The following SHANK2 variants were observed in gnomAD, a reference collection of about 807,000 sequenced individuals.
The protein encoded by SHANK2 is SH3 and multiple ankyrin repeat domains protein 2.
SHANK2 carries 43 observed loss-of-function variants against 133.7 expected under a neutral mutation model. The ratio of observed to expected loss-of-function variants is 0.32; its 90% CI spans 0.25 to 0.41. The LOEUF is 0.41. Among genes scored for constraint, SHANK2 ranks in the 10% least tolerant of loss-of-function variants. The pLI is 1.00. For missense variants in SHANK2, 1,994 were observed against 2,235.8 expected (o/e 0.89, Z 2.18); for synonymous variants, 1,017 against 952.8 (o/e 1.07, Z -1.24).
intron 2 of SHANK2, among the ~76,000 whole-genome samples, chr11:71,213,035 A>G (rs1050037221): frequency 1.2e-4 from 18 of 151,382 alleles, no homozygotes; most frequent in Non-Finnish European, 1.8e-4. Flanking sequence ...GAGGCAAAGG[A>G]AGAGGAGCAG....
intron 11 of SHANK2, among the ~76,000 whole-genome samples, chr11:70,891,843 T>C (rs186392772): frequency 5.9e-5 from 9 of 152,216 alleles, no homozygotes; most frequent in South Asian, 2.1e-4. Flanking sequence ...CCAGTGACAA[T>C]TGAAAATTTC....
At chr11:71,229,775 A>G (rs1270695681) in intron 1 of SHANK2, among the ~76,000 whole-genome samples, 76 of 151,746 alleles carry the variant, frequency 5.0e-4, no homozygotes, top group African/African-American at 1.6e-3. Flanking sequence ...GAAAAAAAAA[A>G]AAAAAAAGAA....
intron 14 of SHANK2, among the ~76,000 whole-genome samples, chr11:70,748,695 G>A (rs1044282358): frequency 6.6e-6 from 1 of 152,140 alleles, no homozygotes; most frequent in African/African-American, 2.4e-5. Flanking sequence ...AACTGTTAAG[G>A]TGCAGACAAA....
At position 70,820,516 on chromosome 11, in the gene SHANK2, G is replaced by T. The variant is rs202196892; in HGVS notation, c.1341C>A (p.Pro447=). The change falls in exon 12 of 26, where the codon CCC becomes CCA. Residue 447 remains proline, a synonymous_variant. Coordinates refer to ENST00000601538, the MANE Select transcript of SHANK2 (RefSeq NM_012309.5). ...STATSHRSLS[P]QLLQQMPSKP... The stretch of plus-strand genomic sequence containing the variant: ...TGCTGGGCATCTGCTGCAGCAGCTG[G>T]GGTGACAGGCTGCGGTGCGAGGTGG... 2.8e-6 allele frequency: 2 copies of T among 717,008 alleles called. No homozygotes were observed. Among genetic ancestry groups the T allele is most frequent in the Admixed American group, 2.0e-5 (1 of 49,990 alleles). 44.4% of individuals were successfully genotyped at this position (717,008 alleles called of 1,614,324 possible).
intron 17 of SHANK2, among the ~76,000 whole-genome samples, chr11:70,625,208 G>A (rs1194998879): frequency 1.3e-5 from 2 of 152,180 alleles, no homozygotes; most frequent in Non-Finnish European, 2.9e-5. Context: ...TGGGAAAGTG[G>A]GGATAAGTCC....
chr11:70,806,061 G>A (rs965864918), intron 13 of SHANK2, among the ~76,000 whole-genome samples: 1 of 152,226 alleles, frequency 6.6e-6, no homozygotes, highest in Non-Finnish European at 1.5e-5. Context: ...GCAGAGAAAG[G>A]AACTGAGTCA....
chr11:70,903,795 T>C (rs536297967), intron 10 of SHANK2, among the ~76,000 whole-genome samples: 1 of 152,314 alleles, frequency 6.6e-6, no homozygotes, highest in African/African-American at 2.4e-5. Flanking sequence ...TTGTCCAGCT[T>C]TGCAGTACCA....
At chr11:70,540,861 A>C (rs1181829520) in intron 17 of SHANK2, among the ~76,000 whole-genome samples, 2 of 148,766 alleles carry the variant, frequency 1.3e-5, no homozygotes, top group South Asian at 2.1e-4. Context: ...AAAAAAAAAA[A>C]CTCAGATATA....
intron 1 of SHANK2, among the ~76,000 whole-genome samples, chr11:71,251,917 C>G (rs1488201487): frequency 1.3e-5 from 2 of 151,926 alleles, no homozygotes; most frequent in African/African-American, 4.8e-5. Context: ...CGGTTCGGGT[C>G]TCCGCCCCCG....
At chr11:70,816,928 C>A (rs1200306159) in intron 12 of SHANK2, among the ~76,000 whole-genome samples, 2 of 152,222 alleles carry the variant, frequency 1.3e-5, no homozygotes, top group Non-Finnish European at 2.9e-5. Flanking sequence ...GGCTATGTCA[C>A]CTGAATGTCC....
At chr11:71,223,217 C>A (rs1555121607) in intron 2 of SHANK2, among the ~76,000 whole-genome samples, 1 of 152,150 alleles carries the variant, frequency 6.6e-6, no homozygotes, top group Admixed American at 6.6e-5. Flanking sequence ...TGGCCAGGAC[C>A]AGGGTAGTCC....
chr11:70,758,698 T>G (rs1450043556), intron 14 of SHANK2, among the ~76,000 whole-genome samples: 1 of 152,198 alleles, frequency 6.6e-6, no homozygotes, highest in Non-Finnish European at 1.5e-5. Flanking sequence ...TGAGGAAGAA[T>G]CTGCCCCAAG....
At chr11:70,891,395 C>A (rs1037592830) in intron 11 of SHANK2, among the ~76,000 whole-genome samples, 4 of 151,300 alleles carry the variant, frequency 2.6e-5, no homozygotes, top group Middle Eastern at 3.4e-3. Flanking sequence ...CCAGCTACTC[C>A]GGAGGCTGAG....
chr11:70,878,376 G>A (rs1555071757), intron 11 of SHANK2, among the ~76,000 whole-genome samples: 1 of 152,184 alleles, frequency 6.6e-6, no homozygotes, highest in Non-Finnish European at 1.5e-5. Context: ...CACATAGAAG[G>A]GAGAAAATTC....
intron 3 of SHANK2, among the ~76,000 whole-genome samples, chr11:71,144,058 AT>A (rs1952601660): frequency 6.6e-6 from 1 of 152,178 alleles, no homozygotes; most frequent in Non-Finnish European, 1.5e-5. Context: ...TGAAAAGGGC[AT>A]TGCAAAGGCA....
chr11:70,622,155 C>G (rs2060837686), intron 17 of SHANK2, among the ~76,000 whole-genome samples: 1 of 152,168 alleles, frequency 6.6e-6, no homozygotes, highest in South Asian at 2.1e-4. Flanking sequence ...TCGGCTCCTT[C>G]TAGAACCATC....
intron 14 of SHANK2, among the ~76,000 whole-genome samples, chr11:70,710,668 GAGGCC>G (rs1945763636): frequency 6.6e-6 from 1 of 152,182 alleles, no homozygotes; most frequent in Admixed American, 6.5e-5. Flanking sequence ...AAGAGTTGGG[GAGGCC>G]AGTCCCATAG....
At chr11:70,782,133 C>T (rs1383680941) in intron 14 of SHANK2, among the ~76,000 whole-genome samples, 39 of 151,746 alleles carry the variant, frequency 2.6e-4, no homozygotes, top group African/African-American at 2.4e-5. Context: ...GGTGTGATCT[C>T]GGCTCACTGC....
At chr11:71,165,578 C>T (rs1394070560) in intron 2 of SHANK2, among the ~76,000 whole-genome samples, 1 of 152,162 alleles carries the variant, frequency 6.6e-6, no homozygotes, top group Non-Finnish European at 1.5e-5. Flanking sequence ...TCGCTTCTCT[C>T]TGCGAAGCCT....
Sources: allele counts gnomAD v4.1 joint callset (sites outside exome capture counted in the v4.1 genomes callset), GRCh38; gene constraint gnomAD v4.1.1; transcripts MANE v1.5; gene names NCBI Gene and HGNC (gene_info 2026-07-23, HGNC 2026-07-21).